The following PLGRKT variants were observed in gnomAD, a reference collection of about 807,000 sequenced individuals.
PLGRKT encodes the protein plasminogen receptor with a C-terminal lysine.
A neutral mutation model predicts 18.5 loss-of-function variants in PLGRKT; 22 were observed. The observed-to-expected ratio is 1.19, with a 90% CI of 0.85 to 1.70. The LOEUF is 1.70. Ranked by LOEUF, PLGRKT falls within the 40% of genes most tolerant of loss-of-function variation. PLGRKT has a pLI of 0.00. For synonymous variants in PLGRKT, 72 were observed against 52.8 expected (o/e 1.36, Z -1.58); for missense variants, 235 against 174.4 (o/e 1.35, Z -1.96).
intron 3 of PLGRKT, among the ~76,000 whole-genome samples, chr9:5,390,791 T>C (rs746438537): frequency 3.3e-5 from 5 of 151,918 alleles, no homozygotes; most frequent in Non-Finnish European, 7.4e-5. Flanking sequence ...AGAAAAATAA[T>C]ATCAAGTCAA....
At chr9:5,415,764 A>C in intron 3 of PLGRKT, among the ~76,000 whole-genome samples, 1 of 152,288 alleles carries the variant, frequency 6.6e-6, no homozygotes, top group South Asian at 2.1e-4. Flanking sequence ...GAACAAACCC[A>C]AAGTAAGAAA....
chr9:5,409,154 T>G (rs1818312788), intron 3 of PLGRKT, among the ~76,000 whole-genome samples: 1 of 152,208 alleles, frequency 6.6e-6, no homozygotes, highest in African/African-American at 2.4e-5. Context: ...ACTGGGGCAC[T>G]GTGATGGTTA....
At chr9:5,416,130 AT>A (rs572939275) in intron 3 of PLGRKT, among the ~76,000 whole-genome samples, 24 of 151,984 alleles carry the variant, frequency 1.6e-4, no homozygotes, top group Non-Finnish European at 7.4e-5. Flanking sequence ...AAAATTAAAC[AT>A]TTTTTTTAAA....
intron 3 of PLGRKT, among the ~76,000 whole-genome samples, chr9:5,379,824 T>C (rs992713191): frequency 1.3e-5 from 2 of 152,212 alleles, no homozygotes; most frequent in African/African-American, 2.4e-5. Flanking sequence ...AAGAGTACAG[T>C]AGTTTTAAGG....
rs745564303 is a variant in PLGRKT at position 5,384,308 on chromosome 9, G to T, written c.82-22420C>A. On this transcript the variant is annotated intron_variant, in intron 3 of 5. Coordinates refer to ENST00000223864, the MANE Select transcript of PLGRKT (RefSeq NM_018465.4). ...CAGGGGATCAGAACAGAACAAGACA[G>T]GGGAATCTTTTAATTATTCCAGAGT... Among the ~76,000 whole-genome samples the T allele has an allele frequency of 2.0e-5, 3 of 152,202 alleles. No homozygotes were observed. In the East Asian group the frequency reaches 5.8e-4, roughly 29 times the overall value.
At chr9:5,400,895 T>G (rs896207875) in intron 3 of PLGRKT, among the ~76,000 whole-genome samples, 1 of 151,940 alleles carries the variant, frequency 6.6e-6, no homozygotes, top group East Asian at 1.9e-4. Context: ...AGAAACATTC[T>G]GAGGCACTGC....
At chr9:5,385,768 C>T (rs372593062) in intron 3 of PLGRKT, among the ~76,000 whole-genome samples, 1 of 151,980 alleles carries the variant, frequency 6.6e-6, no homozygotes, top group African/African-American at 2.4e-5. Flanking sequence ...GGATCTCCCA[C>T]ATCTCTGTAT....
intron 3 of PLGRKT, among the ~76,000 whole-genome samples, chr9:5,384,699 G>C (rs1220682517): frequency 6.6e-6 from 1 of 151,956 alleles, no homozygotes; most frequent in Non-Finnish European, 1.5e-5. Context: ...GGTCATGATA[G>C]GTTAAATTGG....
Position 5,361,791 on chromosome 9 carries a change from A to G in PLGRKT, c.179T>C (p.Phe60Ser), listed in dbSNP as rs1378434828. ...SREFLKYFGT[F>S]FGLAAISLTA... ...TAAAGAGATGGCTGCAAGGCCAAAA[A>G]AAGTTCCAAAATATTTGAGGAATTC... Residue 60 changes from phenylalanine (F) to serine (S), a missense_variant, in exon 4 of 6, where the codon TTT becomes TCT. Transcript: ENST00000223864. 1 of 1,613,254 alleles carries G rather than the reference A, an allele frequency of 6.2e-7. No homozygotes were observed. Among genetic ancestry groups the G allele is most frequent in the Non-Finnish European group, 8.5e-7 (1 of 1,179,738 alleles).
intron 3 of PLGRKT, among the ~76,000 whole-genome samples, chr9:5,403,000 G>A (rs1427268251): frequency 1.3e-5 from 2 of 151,788 alleles, no homozygotes; most frequent in African/African-American, 4.9e-5. Context: ...CCAAACCCTA[G>A]CAGGAAAAAT....
Position 5,431,987 on chromosome 9 carries a change from A to C in PLGRKT, c.-6-4T>G, listed in dbSNP as rs1243955349. On this transcript the variant is annotated splice_region_variant and splice_polypyrimidine_tract_variant and intron_variant, in intron 2 of 5. Coordinates refer to ENST00000223864, the MANE Select transcript of PLGRKT (RefSeq NM_018465.4). ...AAAATATAAACCCCATTTTGACCTA[A>C]AATGTAAAAAAAGCAAGGAGACTTA... The C allele has an allele frequency of 1.2e-5, 16 of 1,311,818 alleles. No homozygotes were observed. The highest frequency in any genetic ancestry group is 3.4e-5 in the Admixed American group (2 of 58,442). 81.3% of individuals were successfully genotyped at this position (1,311,818 alleles called of 1,614,324 possible).
intron 3 of PLGRKT, among the ~76,000 whole-genome samples, chr9:5,430,470 T>C (rs1329043198): frequency 6.6e-6 from 1 of 152,262 alleles, no homozygotes; most frequent in Non-Finnish European, 1.5e-5. Context: ...TAAGACACTC[T>C]TGTCAGTCAT....
chr9:5,371,562 C>A (rs1335855656), intron 3 of PLGRKT, among the ~76,000 whole-genome samples: 1 of 152,198 alleles, frequency 6.6e-6, no homozygotes, highest in Non-Finnish European at 1.5e-5. Context: ...GATTCTGAGA[C>A]CTTCCCAGCC....
At chr9:5,360,091 G>C (rs1334433868) in intron 5 of PLGRKT, among the ~76,000 whole-genome samples, 3 of 152,134 alleles carry the variant, frequency 2.0e-5, no homozygotes, top group African/African-American at 7.2e-5. Flanking sequence ...TAGGACAAAA[G>C]TGAAACAATT....
intron 3 of PLGRKT, among the ~76,000 whole-genome samples, chr9:5,425,688 C>A (rs1249959218): frequency 6.6e-6 from 1 of 151,948 alleles, no homozygotes; most frequent in Non-Finnish European, 1.5e-5. Context: ...GAGGTGGGAC[C>A]CAAACATTCA....
chr9:5,416,901 A>G (rs1818472509), intron 3 of PLGRKT, among the ~76,000 whole-genome samples: 2 of 152,226 alleles, frequency 1.3e-5, no homozygotes, highest in African/African-American at 4.8e-5. Flanking sequence ...CCATTTCTGG[A>G]CATCAGAATA....
chr9:5,402,629 G>C (rs948412537), intron 3 of PLGRKT, among the ~76,000 whole-genome samples: 23 of 151,914 alleles, frequency 1.5e-4, no homozygotes, highest in African/African-American at 5.6e-4. Flanking sequence ...TGACGGACGA[G>C]GAAGAGCAGG....
chr9:5,435,017 C>T lies in PLGRKT; in HGVS notation c.-7+1552G>A, dbSNP rs1237435702. Among the ~76,000 whole-genome samples the T allele has an allele frequency of 1.3e-5, 2 of 151,858 alleles. 1 individual carries two copies. Among genetic ancestry groups the T allele is most frequent in the South Asian group, 4.2e-4 (2 of 4,810 alleles). On this transcript the variant is annotated intron_variant, in intron 2 of 5. Transcript: ENST00000223864. ...GGGATGCTGTTAATCTATAACCTTA[C>T]CCCCAACCCCCTGCTCTCTGAAACA...
chr9:5,420,807 G>C (rs1259838396), intron 3 of PLGRKT, among the ~76,000 whole-genome samples: 3 of 151,972 alleles, frequency 2.0e-5, no homozygotes, highest in African/African-American at 4.8e-5. Flanking sequence ...CAGAACATAG[G>C]ACCCTTCCTA....
Sources: gnomAD v4.1 joint callset for allele counts (sites outside exome capture counted in the v4.1 genomes callset) on GRCh38, gnomAD v4.1.1 for gene constraint, MANE v1.5 for transcripts, NCBI Gene and HGNC (gene_info 2026-07-23, HGNC 2026-07-21) for gene names.